Variants in CSMD1 observed in about 807,000 individuals in gnomAD.
The protein encoded by CSMD1 is CUB and Sushi multiple domains 1.
In CSMD1, 213 loss-of-function variants were observed where a neutral mutation model predicts 417.5. That is an observed-to-expected ratio of 0.51 (90% CI 0.46 to 0.57). The LOEUF is 0.57. Among genes scored for constraint, CSMD1 ranks in the 20% least tolerant of loss-of-function variants. The pLI, the probability that CSMD1 is intolerant of heterozygous loss-of-function variation, is 0.00. For missense variants in CSMD1, 6,923 were observed against 4,529.7 expected (o/e 1.53, Z -15.17); for synonymous variants, 2,862 against 1,736.8 (o/e 1.65, Z -16.11).
At chr8:4,470,426 G>A (rs965384801) in intron 2 of CSMD1, among the ~76,000 whole-genome samples, 1 of 152,194 alleles carries the variant, frequency 6.6e-6, no homozygotes, top group Non-Finnish European at 1.5e-5. Context: ...CTTCACAGAA[G>A]TGATAGTGCT....
intron 1 of CSMD1, among the ~76,000 whole-genome samples, chr8:4,984,191 C>A (rs1811053394): frequency 6.6e-6 from 1 of 152,184 alleles, no homozygotes; most frequent in Admixed American, 6.5e-5. Flanking sequence ...AGAAAAACTC[C>A]AGAACAGCAA....
intron 3 of CSMD1, among the ~76,000 whole-genome samples, chr8:4,261,109 C>T (rs533407744): frequency 6.6e-6 from 1 of 152,280 alleles, no homozygotes; most frequent in African/African-American, 2.4e-5. Flanking sequence ...GTGTCATTTA[C>T]ACATGTCTGT....
chr8:4,029,807 T>A (rs1797248595), intron 4 of CSMD1, among the ~76,000 whole-genome samples: 1 of 152,194 alleles, frequency 6.6e-6, no homozygotes, highest in Non-Finnish European at 1.5e-5. Context: ...CTTATGAACC[T>A]GTATAATAAA....
intron 3 of CSMD1, among the ~76,000 whole-genome samples, chr8:4,363,991 G>T (rs1042048617): frequency 6.6e-6 from 1 of 152,096 alleles, no homozygotes; most frequent in Non-Finnish European, 1.5e-5. Context: ...AGCATAACAG[G>T]TTGACTGACT....
chr8:4,358,294 G>C (rs551204050), intron 3 of CSMD1, among the ~76,000 whole-genome samples: 1 of 152,148 alleles, frequency 6.6e-6, no homozygotes, highest in Admixed American at 6.6e-5. Flanking sequence ...CCATGGGCCA[G>C]ATCCAGCTGG....
rs1165034549 is a variant in CSMD1 at position 3,284,102 on chromosome 8, CT to C, written c.4153+41del. On this transcript the variant is annotated intron_variant, in intron 26 of 69. Coordinates refer to ENST00000635120, the MANE Select transcript of CSMD1 (RefSeq NM_033225.6). ...AGGGAGATCTGTGTTCATGACAAGA[CT>C]TTGATATCAAGGTAAAGAAGAAGCA... is the stretch of plus-strand genomic sequence containing the variant. 1.1e-5 allele frequency: 16 copies of C among 1,437,618 alleles called. No homozygotes were observed. In the African/African-American group the frequency reaches 2.0e-4, roughly 18 times the overall value. The allele number at this position is 1,437,618 out of a possible 1,614,324, so 89.1% of individuals were successfully genotyped here. A position where few individuals can be genotyped will look rare whatever the true frequency, so the allele number is the denominator to read the frequency against.
chr8:4,752,502 G>A (rs924369389), intron 1 of CSMD1, among the ~76,000 whole-genome samples: 16 of 152,074 alleles, frequency 1.1e-4, no homozygotes, highest in African/African-American at 3.6e-4. Context: ...TGGTTATAAG[G>A]GCTAAAACGT....
chr8:4,936,604 T>C lies in CSMD1; in HGVS notation c.85+57728A>G, dbSNP rs187535712. On this transcript the variant is annotated intron_variant, in intron 1 of 69. Coordinates refer to ENST00000635120, the MANE Select transcript of CSMD1 (RefSeq NM_033225.6). ...TACCTGTGAAACACTTTATTTGATA[T>C]ATTTGTCAACACTAAATTACCTGGG... 3.7e-4 allele frequency among the ~76,000 whole-genome samples: 56 copies of C among 152,316 alleles called. No individual in the cohort carries two copies. In the East Asian group the frequency reaches 0.01, roughly 27 times the overall value.
intron 2 of CSMD1, among the ~76,000 whole-genome samples, chr8:4,524,623 G>A (rs544212540): frequency 2.0e-4 from 27 of 134,502 alleles, no homozygotes; most frequent in African/African-American, 6.9e-4. Context: ...ACCTAGTGAA[G>A]TATTTATTAC....
intron 5 of CSMD1, among the ~76,000 whole-genome samples, chr8:3,851,972 T>A (rs923359140): frequency 1.1e-4 from 16 of 151,964 alleles, no homozygotes; most frequent in African/African-American, 2.4e-4. Flanking sequence ...TTAGAGAGAA[T>A]AATTCATAAA....
intron 12 of CSMD1, among the ~76,000 whole-genome samples, chr8:3,437,397 A>T (rs1339146432): frequency 1.3e-5 from 2 of 152,158 alleles, no homozygotes; most frequent in Non-Finnish European, 2.9e-5. Context: ...GGCAATTCAT[A>T]CAGTTCTGAC....
intron 3 of CSMD1, among the ~76,000 whole-genome samples, chr8:4,056,214 T>A (rs1174497331): frequency 1.3e-5 from 2 of 151,154 alleles, no homozygotes. Flanking sequence ...CCCGAGTAGC[T>A]GGGATTACAG....
intron 1 of CSMD1, among the ~76,000 whole-genome samples, chr8:4,918,071 T>C (rs1806189419): frequency 7.0e-6 from 1 of 142,716 alleles, no homozygotes; most frequent in Non-Finnish European, 1.5e-5. Context: ...ATTTCTCTGA[T>C]TATGAGTTAG....
chr8:2,963,111 T>A, intron 60 of CSMD1, 111 bp downstream of exon 60: 1 of 1,185,614 alleles, frequency 8.4e-7, no homozygotes, highest in Non-Finnish European at 1.2e-6. Flanking sequence ...ATTTTAGGGC[T>A]ATTATTACCC....
intron 3 of CSMD1, among the ~76,000 whole-genome samples, chr8:4,414,811 C>T (rs931062184): frequency 6.6e-6 from 1 of 152,068 alleles, no homozygotes; most frequent in Admixed American, 6.6e-5. Context: ...TCAAATTTTC[C>T]TTAGAGTTAG....
chr8:4,458,911 A>C (rs1158880393), intron 2 of CSMD1, among the ~76,000 whole-genome samples: 1 of 152,204 alleles, frequency 6.6e-6, no homozygotes, highest in East Asian at 1.9e-4. Flanking sequence ...AATGTATTAA[A>C]AATATTTAAG....
chr8:3,344,604 T>C lies in CSMD1; in HGVS notation c.3475-1154A>G, dbSNP rs183875132. Reference sequence around the variant, plus strand: ...ACATTTATTACACGATATTGGAAAATGTTCAGTTTGTCTTAATAGAAAAAT... The same window carrying C: ...ACATTTATTACACGATATTGGAAAACGTTCAGTTTGTCTTAATAGAAAAAT... On this transcript the variant is annotated intron_variant, in intron 22 of 69. Coordinates refer to ENST00000635120, the MANE Select transcript of CSMD1 (RefSeq NM_033225.6). Among the ~76,000 whole-genome samples, 5 of 152,270 alleles carry C rather than the reference T, an allele frequency of 3.3e-5. No individual in the cohort carries two copies. The East Asian group carries it at 9.7e-4, about 29-fold the overall frequency.
At chr8:3,347,646 A>T (rs1808102063) in intron 22 of CSMD1, among the ~76,000 whole-genome samples, 1 of 152,338 alleles carries the variant, frequency 6.6e-6, no homozygotes, top group East Asian at 1.9e-4. Flanking sequence ...ATCCACTTAT[A>T]TTATTGTATT....
chr8:4,192,823 T>A (rs1264276308), intron 3 of CSMD1, among the ~76,000 whole-genome samples: 1 of 152,208 alleles, frequency 6.6e-6, no homozygotes, highest in Non-Finnish European at 1.5e-5. Flanking sequence ...TTACTTGTGG[T>A]AAACGCTATT....
Sources: allele counts gnomAD v4.1 joint callset (sites outside exome capture counted in the v4.1 genomes callset), GRCh38; gene constraint gnomAD v4.1.1; transcripts MANE v1.5; gene names NCBI Gene and HGNC (gene_info 2026-07-23, HGNC 2026-07-21).